Variants in BMPR2 observed in about 807,000 individuals in gnomAD.
BMPR2 encodes the protein bone morphogenetic protein receptor type-2.
A neutral mutation model predicts 100.8 loss-of-function variants in BMPR2; 29 were observed. The observed-to-expected ratio is 0.29, with a 90% CI of 0.21 to 0.39. The LOEUF is 0.39. Among genes scored for constraint, BMPR2 ranks in the 10% least tolerant of loss-of-function variants. The pLI is 1.00. For synonymous variants in BMPR2, 382 were observed against 442.3 expected (o/e 0.86, Z 1.71); for missense variants, 1,011 against 1,274.5 (o/e 0.79, Z 3.15).
chr2:202,542,193 A>C (rs2106030664), intron 9 of BMPR2, 118 bp from the exon 10 acceptor site: 1 of 1,224,672 alleles, frequency 8.2e-7, no homozygotes, highest in East Asian at 2.5e-5. Context: ...GGGATGAAAA[A>C]ATAAAAAGAT....
At chr2:202,465,134 C>G (rs960763739) in intron 2 of BMPR2, among the ~76,000 whole-genome samples, 155 bp downstream of exon 2, 9 of 152,082 alleles carry the variant, frequency 5.9e-5, no homozygotes, top group Non-Finnish European at 1.2e-4. Flanking sequence ...GCCTGTAATT[C>G]CAGCACTTTT....
intron 1 of BMPR2, among the ~76,000 whole-genome samples, chr2:202,400,064 A>G (rs916707231): frequency 6.6e-6 from 1 of 152,158 alleles, no homozygotes; most frequent in Non-Finnish European, 1.5e-5. Flanking sequence ...CATTGAGCAC[A>G]GATGATGCCA....
chr2:202,527,912 G>A (rs1000176487), intron 7 of BMPR2, among the ~76,000 whole-genome samples: 1 of 152,178 alleles, frequency 6.6e-6, no homozygotes, highest in Non-Finnish European at 1.5e-5. Context: ...GGCTGGGCAT[G>A]GTAGTTCATC....
chr2:202,454,725 T>C (rs1361779926), intron 1 of BMPR2, among the ~76,000 whole-genome samples: 1 of 152,218 alleles, frequency 6.6e-6, no homozygotes, highest in Non-Finnish European at 1.5e-5. Context: ...TGTTTATATA[T>C]AGTGCTTAGT....
chr2:202,423,624 G>A (rs1396824357), intron 1 of BMPR2, among the ~76,000 whole-genome samples: 6 of 152,042 alleles, frequency 3.9e-5, no homozygotes, highest in Non-Finnish European at 5.9e-5. Context: ...GGATGTTGGC[G>A]TGCGCCTGTG....
At chr2:202,546,237 A>G (rs2106035059) in intron 10 of BMPR2, among the ~76,000 whole-genome samples, 1 of 152,362 alleles carries the variant, frequency 6.6e-6, no homozygotes, top group African/African-American at 2.4e-5. Flanking sequence ...TACATAGTTT[A>G]TAAAAAGAGA....
intron 9 of BMPR2, among the ~76,000 whole-genome samples, chr2:202,534,704 C>T (rs983395248): frequency 1.3e-5 from 2 of 151,604 alleles, no homozygotes; most frequent in African/African-American, 4.9e-5. Context: ...CAATCTTTTC[C>T]CCACCTTTCC....
chr2:202,474,549 C>T (rs1011847387), intron 3 of BMPR2, among the ~76,000 whole-genome samples: 1 of 152,096 alleles, frequency 6.6e-6, no homozygotes, highest in Admixed American at 6.6e-5. Context: ...GAGGCGGAGT[C>T]TCGCTCTGTC....
chr2:202,418,391 A>G (rs950367123), intron 1 of BMPR2, among the ~76,000 whole-genome samples: 1 of 152,224 alleles, frequency 6.6e-6, no homozygotes, highest in Non-Finnish European at 1.5e-5. Context: ...TTATCTTGAC[A>G]TTTAATTAGA....
At chr2:202,405,687 CAA>C (rs397987374) in intron 1 of BMPR2, among the ~76,000 whole-genome samples, 10,977 of 61,748 alleles carry the variant, frequency 0.18, 233 homozygotes, top group South Asian at 0.29. Flanking sequence ...GACTCCGCCT[CAA>C]AAAAAAAAAA....
intron 1 of BMPR2, among the ~76,000 whole-genome samples, chr2:202,397,076 C>T (rs1690670331): frequency 6.6e-6 from 1 of 152,176 alleles, no homozygotes; most frequent in Non-Finnish European, 1.5e-5. Context: ...GGATTACAGG[C>T]ATGAGCCACC....
intron 1 of BMPR2, among the ~76,000 whole-genome samples, chr2:202,409,348 AATAT>A (rs1233170473): frequency 1.3e-5 from 2 of 152,018 alleles, no homozygotes; most frequent in East Asian, 3.8e-4. Context: ...TCTGTCTCAA[AATAT>A]ATATATAAGA....
At chr2:202,382,501 T>C (rs1181652939) in intron 1 of BMPR2, among the ~76,000 whole-genome samples, 4 of 152,190 alleles carry the variant, frequency 2.6e-5, no homozygotes, top group Non-Finnish European at 5.9e-5. Context: ...AGGTATCAGT[T>C]TTATGTATTT....
At chr2:202,390,684 T>G (rs779573452) in intron 1 of BMPR2, among the ~76,000 whole-genome samples, 15 of 152,156 alleles carry the variant, frequency 9.9e-5, no homozygotes, top group Non-Finnish European at 1.8e-4. Flanking sequence ...TATCATTCTT[T>G]TCAATTTTTG....
rs1222732029 is a variant in BMPR2, at chr2:202,434,893, A to G, written c.77-29916A>G. ...AGACTCTGTCTCAAAAAAAAAAAAA[A>G]AAAAAAAAAAAAAAAATATATATAT... On this transcript the variant is annotated intron_variant, in intron 1 of 12. Transcript: ENST00000374580. Among the ~76,000 whole-genome samples, 22 of 66,828 alleles carry G rather than the reference A, an allele frequency of 3.3e-4. No homozygotes were observed. In the East Asian group the frequency reaches 9.9e-3, roughly 30 times the overall value. 43.8% of individuals were successfully genotyped at this position (66,828 alleles called of 152,430 possible).
chr2:202,543,628 G>A (rs1388106673), intron 10 of BMPR2, among the ~76,000 whole-genome samples: 1 of 151,022 alleles, frequency 6.6e-6, no homozygotes, highest in East Asian at 1.9e-4. Context: ...CAATCTTTTG[G>A]GTTTTTTCTC....
chr2:202,390,264 G>C (rs1330373393), intron 1 of BMPR2, among the ~76,000 whole-genome samples: 1 of 151,484 alleles, frequency 6.6e-6, no homozygotes, highest in South Asian at 2.1e-4. Flanking sequence ...TGAACTGCTA[G>C]AATTTCTTCA....
At position 202,560,014 on chromosome 2, in the gene BMPR2, A is replaced by AT; in HGVS notation, c.*69dup. 1.9e-6 allele frequency: 3 copies of AT among 1,598,914 alleles called. No homozygotes were observed. Among genetic ancestry groups the AT allele is most frequent in the Non-Finnish European group, 2.6e-6 (3 of 1,172,742 alleles). On this transcript the variant is annotated 3_prime_UTR_variant, in exon 13 of 13. Coordinates refer to ENST00000374580, the MANE Select transcript of BMPR2 (RefSeq NM_001204.7). ...TTAAACATGCAGAAGATGTTTAAAA[A>AT]TAAAAAAAAAACTGCTTTATCCTCC... is the stretch of plus-strand genomic sequence containing the variant.
At chr2:202,517,873 C>T (rs1363544213) in intron 5 of BMPR2, among the ~76,000 whole-genome samples, 6 of 148,260 alleles carry the variant, frequency 4.0e-5, no homozygotes, top group South Asian at 2.1e-4. Context: ...AGTGCAGTGG[C>T]GCGACCTCGG....
Sources: gnomAD v4.1 joint callset for allele counts (sites outside exome capture counted in the v4.1 genomes callset) on GRCh38, gnomAD v4.1.1 for gene constraint, MANE v1.5 for transcripts, NCBI Gene and HGNC (gene_info 2026-07-23, HGNC 2026-07-21) for gene names.